TRAPPC9: variants seen among roughly 807,000 people sequenced by gnomAD.
TRAPPC9 encodes the protein trafficking protein particle complex subunit 9.
TRAPPC9 carries 83 observed loss-of-function variants against 124.0 expected under a neutral mutation model. The ratio of observed to expected loss-of-function variants is 0.67; its 90% CI spans 0.56 to 0.80. TRAPPC9 has a LOEUF of 0.80. TRAPPC9 is among the 30% of genes least tolerant of loss of function. The probability of loss-of-function intolerance (pLI) is 0.00; values close to 1 mark genes in which losing one functional copy is unlikely to be tolerated. For synonymous variants in TRAPPC9, 638 were observed against 617.5 expected (o/e 1.03, Z -0.49); for missense variants, 1,302 against 1,508.3 (o/e 0.86, Z 2.27).
chr8:140,435,285 C>T, intron 3 of TRAPPC9, 45 bp from the exon 4 acceptor site: 1 of 466,512 alleles, frequency 2.1e-6, no homozygotes, highest in Non-Finnish European at 3.2e-6. Flanking sequence ...AAACAAAAAA[C>T]AAAAACCAGC....
intron 21 of TRAPPC9, among the ~76,000 whole-genome samples, chr8:139,778,988 T>G (rs1402594905): frequency 6.6e-6 from 1 of 152,158 alleles, no homozygotes; most frequent in East Asian, 1.9e-4. Flanking sequence ...TGTAAAATGT[T>G]TTTGCCATTA....
At chr8:140,033,689 T>TTTTG in intron 17 of TRAPPC9, among the ~76,000 whole-genome samples, 2 of 111,428 alleles carry the variant, frequency 1.8e-5, no homozygotes, top group Non-Finnish European at 3.4e-5. Flanking sequence ...TTTTTTTTTT[T>TTTTG]TTTTTTTTTT....
At chr8:140,117,366 C>T (rs2060908173) in intron 17 of TRAPPC9, among the ~76,000 whole-genome samples, 2 of 152,178 alleles carry the variant, frequency 1.3e-5, no homozygotes, top group Non-Finnish European at 2.9e-5. Context: ...TAAGGAGCAA[C>T]TGGCTCACAG....
At chr8:140,410,014 C>T (rs1248914370) in intron 5 of TRAPPC9, among the ~76,000 whole-genome samples, 2 of 151,932 alleles carry the variant, frequency 1.3e-5, no homozygotes, top group African/African-American at 2.4e-5. Flanking sequence ...GTGGCACACG[C>T]CTGTGATTCC....
chr8:140,211,278 GC>G (rs931014109), intron 17 of TRAPPC9, among the ~76,000 whole-genome samples: 1 of 152,140 alleles, frequency 6.6e-6, no homozygotes, highest in African/African-American at 2.4e-5. Context: ...TAGCTGGAAG[GC>G]CAGGCATGGT....
chr8:140,318,197 C>T (rs187293894), intron 9 of TRAPPC9, among the ~76,000 whole-genome samples: 1 of 152,194 alleles, frequency 6.6e-6, no homozygotes, highest in East Asian at 1.9e-4. Flanking sequence ...ATTCATTTTA[C>T]AATTCTTTTT....
chr8:139,842,910 G>A (rs138197551), intron 21 of TRAPPC9, among the ~76,000 whole-genome samples: 154 of 152,320 alleles, frequency 1.0e-3, no homozygotes, highest in Non-Finnish European at 1.7e-3. Context: ...GATTTTCATC[G>A]CACAGATGAG....
chr8:140,234,681 T>G (rs1343006167), intron 16 of TRAPPC9, among the ~76,000 whole-genome samples: 3 of 152,254 alleles, frequency 2.0e-5, no homozygotes, highest in African/African-American at 7.2e-5. Context: ...ACATTAAGAA[T>G]TAGTTACTTC....
chr8:139,908,014 G>A (rs931394033), intron 20 of TRAPPC9, among the ~76,000 whole-genome samples: 1 of 152,162 alleles, frequency 6.6e-6, no homozygotes, highest in African/African-American at 2.4e-5. Flanking sequence ...CAAGGGTGAC[G>A]TGGCCCAGGG....
intron 15 of TRAPPC9, among the ~76,000 whole-genome samples, chr8:140,264,713 G>A (rs1170578080): frequency 6.6e-6 from 1 of 152,094 alleles, no homozygotes; most frequent in Non-Finnish European, 1.5e-5. Flanking sequence ...GCATGCCTTT[G>A]CTTATTTCAA....
intron 17 of TRAPPC9, among the ~76,000 whole-genome samples, chr8:140,047,947 T>G (rs1587588454): frequency 6.6e-6 from 1 of 151,984 alleles, no homozygotes; most frequent in Non-Finnish European, 1.5e-5. Context: ...CAAGGCAGGG[T>G]CCAGCCATAG....
At chr8:139,945,936 T>C (rs1046774245) in intron 19 of TRAPPC9, among the ~76,000 whole-genome samples, 1 of 152,238 alleles carries the variant, frequency 6.6e-6, no homozygotes, top group South Asian at 2.1e-4. Flanking sequence ...TATAGCAAAA[T>C]AGTAGTGGTA....
At chr8:140,306,208 T>A (rs1344228781) in intron 10 of TRAPPC9, among the ~76,000 whole-genome samples, 1 of 151,994 alleles carries the variant, frequency 6.6e-6, no homozygotes, top group Non-Finnish European at 1.5e-5. Flanking sequence ...GCTAAAGAAT[T>A]ATGGAGACCA....
chr8:139,833,871 G>A (rs916344763), intron 21 of TRAPPC9, among the ~76,000 whole-genome samples: 2 of 152,216 alleles, frequency 1.3e-5, no homozygotes, highest in Admixed American at 6.5e-5. Flanking sequence ...CCACCCTGGT[G>A]TTATTCCTGG....
rs73355360 is a variant in TRAPPC9 at position 140,014,999 on chromosome 8, G to T, written c.2699+8938C>A. On this transcript the variant is annotated intron_variant, in intron 18 of 22. Coordinates refer to ENST00000438773, the MANE Select transcript of TRAPPC9 (RefSeq NM_001160372.4). ...AACTGCAGAAATTATCAGTATCAGTGAGAGGAGCAGACAAACAGACTACCC... is the reference window on the plus strand; with the variant it reads ...AACTGCAGAAATTATCAGTATCAGTTAGAGGAGCAGACAAACAGACTACCC... Among the ~76,000 whole-genome samples, 599 of 152,324 alleles carry T rather than the reference G, an allele frequency of 3.9e-3. 5 individuals carry two copies. The highest frequency in any genetic ancestry group is 0.014 in the African/African-American group (571 of 41,574).
intron 17 of TRAPPC9, among the ~76,000 whole-genome samples, chr8:140,075,474 G>A (rs1449855861): frequency 6.6e-6 from 1 of 152,200 alleles, no homozygotes; most frequent in South Asian, 2.1e-4. Flanking sequence ...CCTCCAGCCT[G>A]CTTATCGCCA....
intron 19 of TRAPPC9, among the ~76,000 whole-genome samples, chr8:139,929,898 T>C (rs1480507637): frequency 1.3e-5 from 2 of 152,198 alleles, no homozygotes; most frequent in Non-Finnish European, 1.5e-5. Context: ...AGCCCCTCTC[T>C]GCCTCAGACC....
chr8:139,943,044 A>C (rs982600911), intron 19 of TRAPPC9, among the ~76,000 whole-genome samples: 2 of 152,220 alleles, frequency 1.3e-5, no homozygotes, highest in African/African-American at 4.8e-5. Flanking sequence ...CTGAGATTCG[A>C]GATGTCCAAG....
intron 21 of TRAPPC9, among the ~76,000 whole-genome samples, chr8:139,807,586 A>G (rs1245806641): frequency 6.6e-6 from 1 of 152,164 alleles, no homozygotes; most frequent in Non-Finnish European, 1.5e-5. Flanking sequence ...CGTCCTCAAC[A>G]CAACCACCGG....
Sources: gnomAD v4.1 joint callset for allele counts (sites outside exome capture counted in the v4.1 genomes callset) on GRCh38, gnomAD v4.1.1 for gene constraint, MANE v1.5 for transcripts, NCBI Gene and HGNC (gene_info 2026-07-23, HGNC 2026-07-21) for gene names.